CORO2B: variants seen among roughly 807,000 people sequenced by gnomAD.
CORO2B encodes coronin 2B, also known as coronin-2B.
A neutral mutation model predicts 58.8 loss-of-function variants in CORO2B; 26 were observed. That is an observed-to-expected ratio of 0.44 (90% CI 0.32 to 0.61). The LOEUF is 0.61. CORO2B is among the 20% of genes least tolerant of loss of function. CORO2B has a pLI of 0.04. For synonymous variants in CORO2B, 242 were observed against 253.8 expected (o/e 0.95, Z 0.44); for missense variants, 460 against 645.1 (o/e 0.71, Z 3.11).
At position 68,670,442 on chromosome 15, in the gene CORO2B, A is replaced by G. The variant is rs556286979; in HGVS notation, c.217-24698A>G. Among the ~76,000 whole-genome samples, 13 of 152,302 alleles carry G rather than the reference A, an allele frequency of 8.5e-5. No homozygotes were observed. The South Asian group carries it at 2.5e-3, about 29-fold the overall frequency. ...TGATCCTCCTGCCTCAGCCTCTCAA[A>G]GTGCTGGGATTACAGGCATGAGCCA... is the stretch of plus-strand genomic sequence containing the variant. On this transcript the variant is annotated intron_variant, in intron 2 of 11. Coordinates refer to ENST00000261861, the MANE Select transcript of CORO2B (RefSeq NM_006091.5).
At chr15:68,624,137 A>G (rs1900608339) in intron 1 of CORO2B, among the ~76,000 whole-genome samples, 1 of 152,160 alleles carries the variant, frequency 6.6e-6, no homozygotes, top group Admixed American at 6.5e-5. Flanking sequence ...AAATAAAGCC[A>G]GCTGCCCAGC....
intron 1 of CORO2B, among the ~76,000 whole-genome samples, chr15:68,591,264 A>G (rs1039232656): frequency 2.0e-5 from 3 of 152,262 alleles, no homozygotes; most frequent in African/African-American, 2.4e-5. Flanking sequence ...GTCTTCCAGC[A>G]TGAGTAGGCA....
chr15:68,695,279 A>G (rs1430906622), intron 3 of CORO2B, 23 bp downstream of exon 3: 1 of 1,584,692 alleles, frequency 6.3e-7, no homozygotes. Context: ...GTGCTCCCGG[A>G]GGAGGGTGGG....
At chr15:68,560,872 C>T in the CORO2B span, among the ~76,000 whole-genome samples, 6 of 152,190 alleles carry the variant, frequency 3.9e-5, no homozygotes, top group Admixed American at 2.0e-4. Flanking sequence ...GAAGCAGAAC[C>T]GCAGCTCTCC....
At chr15:68,693,213 T>C (rs1413495614) in intron 2 of CORO2B, among the ~76,000 whole-genome samples, 2 of 152,310 alleles carry the variant, frequency 1.3e-5, no homozygotes, top group Admixed American at 1.3e-4. Context: ...CTACCCATCC[T>C]GCCATGGCTC....
chr15:68,632,284 G>A, intron 1 of CORO2B: 1 of 985,506 alleles, frequency 1.0e-6, no homozygotes, highest in Non-Finnish European at 1.2e-6. Flanking sequence ...GATGTGCAAA[G>A]AAGATACAAG....
rs534504019 is a variant in CORO2B at position 68,709,536 on chromosome 15, T to A, written c.334-1196T>A. On this transcript the variant is annotated intron_variant, in intron 3 of 11. Transcript: ENST00000261861. The stretch of plus-strand genomic sequence containing the variant: ...GAGTGCAGTGGATCTCAGCACACTG[T>A]AACCTCCGCGCCTGGCCTCAAGCGA... 2.0e-5 allele frequency among the ~76,000 whole-genome samples: 3 copies of A among 147,376 alleles called. No individual in the cohort carries two copies. In the East Asian group the frequency reaches 6.2e-4, roughly 30 times the overall value.
the CORO2B span, among the ~76,000 whole-genome samples, chr15:68,560,114 G>A: frequency 6.6e-6 from 1 of 152,184 alleles, no homozygotes; most frequent in Admixed American, 6.5e-5. Context: ...CCCGTGCAGT[G>A]CTCAGGCATT....
intron 1 of CORO2B, among the ~76,000 whole-genome samples, chr15:68,625,324 C>T (rs1241372489): frequency 1.3e-5 from 2 of 148,876 alleles, no homozygotes; most frequent in South Asian, 2.1e-4. Flanking sequence ...ATTAAAAAAA[C>T]ATCTTTTTTA....
At chr15:68,597,757 G>A (rs919852294) in intron 1 of CORO2B, among the ~76,000 whole-genome samples, 5 of 152,212 alleles carry the variant, frequency 3.3e-5, no homozygotes, top group African/African-American at 4.8e-5. Flanking sequence ...TCGGGCAAAA[G>A]TCCAGCCTGC....
chr15:68,672,523 C>G (rs1468472496), intron 2 of CORO2B, among the ~76,000 whole-genome samples: 1 of 152,212 alleles, frequency 6.6e-6, no homozygotes, highest in Non-Finnish European at 1.5e-5. Flanking sequence ...TAGCAATTCT[C>G]TTATCTCGGC....
chr15:68,709,773 T>C (rs193134009), intron 3 of CORO2B, among the ~76,000 whole-genome samples: 1 of 152,296 alleles, frequency 6.6e-6, no homozygotes, highest in African/African-American at 2.4e-5. Context: ...TTAATGATAA[T>C]AATAACAATT....
intron 1 of CORO2B, among the ~76,000 whole-genome samples, chr15:68,596,399 A>C (rs1899831217): frequency 6.7e-6 from 1 of 148,714 alleles, no homozygotes; most frequent in East Asian, 2.1e-4. Flanking sequence ...CCCCTGTGGA[A>C]TGAAGGGGGG....
chr15:68,684,256 A>C (rs1193366767), intron 2 of CORO2B, among the ~76,000 whole-genome samples: 1 of 152,212 alleles, frequency 6.6e-6, no homozygotes, highest in African/African-American at 2.4e-5. Context: ...CTTTCTCTAA[A>C]AGGCTCCTGT....
chr15:68,562,360 T>A, the CORO2B span, among the ~76,000 whole-genome samples: 1 of 152,182 alleles, frequency 6.6e-6, no homozygotes, highest in African/African-American at 2.4e-5. Flanking sequence ...TGTAGCTCCC[T>A]GCACAAGAGT....
At chr15:68,609,269 AGAGAATT>A (rs1259952680) in intron 1 of CORO2B, among the ~76,000 whole-genome samples, 4 of 152,216 alleles carry the variant, frequency 2.6e-5, no homozygotes. Context: ...TTTGCTGTCA[AGAGAATT>A]TGTCCTGCCC....
chr15:68,645,394 T>G lies in CORO2B; in HGVS notation c.216+34T>G. On this transcript the variant is annotated intron_variant, in intron 2 of 11. Transcript: ENST00000261861. This position sits in a 1 kb window ranked among gnomAD's most constrained non-coding sequence, Gnocchi z 4.5. The stretch of plus-strand genomic sequence containing the variant: ...CCCCTACCTTCACTCCAGCTGCAGC[T>G]CCAGGGCAGAGAGGAGCCCTCCTTG... 2 of 1,593,426 alleles carry G rather than the reference T, an allele frequency of 1.3e-6. No homozygotes were observed. The highest frequency in any genetic ancestry group is 1.7e-6 in the Non-Finnish European group (2 of 1,168,742).
chr15:68,583,294 C>T (rs1341585447), intron 1 of CORO2B, among the ~76,000 whole-genome samples: 1 of 152,224 alleles, frequency 6.6e-6, no homozygotes, highest in Non-Finnish European at 1.5e-5. Flanking sequence ...GCGGGCAAAT[C>T]ACCCAACCCT....
chr15:68,541,234 C>CA, the CORO2B span, among the ~76,000 whole-genome samples: 137,665 of 148,184 alleles, frequency 0.93, 64,329 homozygotes, highest in East Asian at 1. Flanking sequence ...GACCCTGTCT[C>CA]AAATAAAAAA....
Sources: allele counts gnomAD v4.1 joint callset (sites outside exome capture counted in the v4.1 genomes callset), GRCh38; gene constraint gnomAD v4.1.1; non-coding constraint Gnocchi (gnomAD v3.1); transcripts MANE v1.5; gene names NCBI Gene and HGNC (gene_info 2026-07-23, HGNC 2026-07-21).